ZNF385D: variants seen among roughly 807,000 people sequenced by gnomAD.
The protein encoded by ZNF385D is zinc finger protein 385D, also known as zinc finger protein 659.
In ZNF385D, 15 loss-of-function variants were observed where a neutral mutation model predicts 35.8. The observed-to-expected ratio is 0.42, with a 90% CI of 0.28 to 0.64. ZNF385D has a LOEUF of 0.64. Among genes scored for constraint, ZNF385D ranks in the 30% least tolerant of loss-of-function variants. The pLI is 0.23. For missense variants in ZNF385D, 474 were observed against 494.6 expected (o/e 0.96, Z 0.39); for synonymous variants, 212 against 186.8 (o/e 1.13, Z -1.10).
chr3:22,021,790 G>T (rs1290681921), intron 3 of ZNF385D, among the ~76,000 whole-genome samples: 1 of 152,032 alleles, frequency 6.6e-6, no homozygotes, highest in Non-Finnish European at 1.5e-5. Context: ...TCTATATCTT[G>T]GAATGTTTTG....
intron 3 of ZNF385D, among the ~76,000 whole-genome samples, chr3:22,019,723 A>AG (rs1653017189): frequency 6.6e-6 from 1 of 151,956 alleles, no homozygotes; most frequent in Non-Finnish European, 1.5e-5. Flanking sequence ...ATTTATGCTT[A>AG]GATGTATGCC....
chr3:21,751,298 G>A (rs991660517), upstream of ZNF385D: 2 of 1,098,574 alleles, frequency 1.8e-6, no homozygotes, highest in Middle Eastern at 4.2e-4. Context: ...TGCCTGCCTG[G>A]ACCAACCATG....
In ZNF385D at chr3:22,090,167, T is replaced by A. The variant is rs147835083; in HGVS notation, c.325+78650A>T. ...ATTAATAATTATTTATGGTAAACTT[T>A]TCCAGTTCAAATTGCTACAAAATTT... On this transcript the variant is annotated intron_variant, in intron 3 of 5. Coordinates refer to the ZNF385D transcript ENST00000494108. 6.0e-4 allele frequency among the ~76,000 whole-genome samples: 92 copies of A among 152,248 alleles called. 2 individuals carry two copies. The East Asian group carries it at 0.016, about 27-fold the overall frequency.
chr3:21,659,694 G>T (rs752663195), intron 2 of ZNF385D, among the ~76,000 whole-genome samples: 5 of 152,052 alleles, frequency 3.3e-5, no homozygotes, highest in Non-Finnish European at 5.9e-5. Flanking sequence ...TTCCATAATT[G>T]TAAGAATTTA....
At chr3:22,216,833 C>G (rs761038929) in intron 2 of ZNF385D, among the ~76,000 whole-genome samples, 3 of 152,078 alleles carry the variant, frequency 2.0e-5, no homozygotes, top group Admixed American at 1.3e-4. Context: ...TGGCCACTCC[C>G]AGTCTTGCCC....
chr3:21,822,073 A>G (rs1047906660), intron 3 of ZNF385D, among the ~76,000 whole-genome samples: 4 of 151,496 alleles, frequency 2.6e-5, no homozygotes, highest in Non-Finnish European at 4.4e-5. Context: ...AAGTTAAAAT[A>G]ATTTTTTTTC....
intron 3 of ZNF385D, among the ~76,000 whole-genome samples, chr3:21,816,672 A>G (rs2073161261): frequency 6.6e-6 from 1 of 152,208 alleles, no homozygotes; most frequent in Admixed American, 6.5e-5. Flanking sequence ...CCACTGCTCA[A>G]TGAAATAAAA....
chr3:22,076,180 A>G (rs897215152), intron 3 of ZNF385D, among the ~76,000 whole-genome samples: 1 of 151,854 alleles, frequency 6.6e-6, no homozygotes, highest in Non-Finnish European at 1.5e-5. Context: ...GCAAATCTAC[A>G]TCAGATCTTG....
intron 3 of ZNF385D, among the ~76,000 whole-genome samples, chr3:21,908,814 G>A (rs548679575): frequency 1.1e-3 from 168 of 152,004 alleles, no homozygotes; most frequent in African/African-American, 3.0e-3. Flanking sequence ...CTTTGCCTGG[G>A]AAACATGCAA....
intron 2 of ZNF385D, among the ~76,000 whole-genome samples, chr3:21,645,772 G>A (rs565041871): frequency 7.2e-5 from 11 of 152,174 alleles, no homozygotes; most frequent in African/African-American, 2.2e-4. Flanking sequence ...AAGGTAGTAT[G>A]ACTTCATCCA....
At chr3:21,670,067 G>A (rs2066516923) in intron 1 of ZNF385D, among the ~76,000 whole-genome samples, 3 of 152,032 alleles carry the variant, frequency 2.0e-5, no homozygotes, top group Admixed American at 2.0e-4. Context: ...CAAAACTGAA[G>A]TTCAAAATGA....
At chr3:21,940,328 T>C (rs1395737668) in intron 3 of ZNF385D, among the ~76,000 whole-genome samples, 1 of 152,168 alleles carries the variant, frequency 6.6e-6, no homozygotes, top group Non-Finnish European at 1.5e-5. Flanking sequence ...ACCCATTTAG[T>C]GGCAAGTTGC....
chr3:21,480,151 G>T (rs1704522018), intron 4 of ZNF385D, among the ~76,000 whole-genome samples: 1 of 143,960 alleles, frequency 6.9e-6, no homozygotes, highest in Non-Finnish European at 1.5e-5. Flanking sequence ...CACCCAGGCT[G>T]GAGTGCAATG....
chr3:21,511,839 G>A (rs1467733109), intron 3 of ZNF385D: 1 of 453,686 alleles, frequency 2.2e-6, no homozygotes, highest in Admixed American at 2.4e-5. Flanking sequence ...TTTTTTTGTG[G>A]GGGAGCGGTA....
intron 2 of ZNF385D, among the ~76,000 whole-genome samples, chr3:22,214,315 T>A (rs1319506406): frequency 6.6e-6 from 1 of 152,028 alleles, no homozygotes; most frequent in African/African-American, 2.4e-5. Flanking sequence ...CTGAGGAGGA[T>A]GTATGTCGCC....
At chr3:22,364,300 A>G (rs142663513) in intron 2 of ZNF385D, among the ~76,000 whole-genome samples, 64 of 152,226 alleles carry the variant, frequency 4.2e-4, no homozygotes, top group Admixed American at 1.3e-3. Flanking sequence ...CAAAAAGGCC[A>G]TATCAACAAA....
chr3:21,665,803 A>C (rs1412856939), intron 1 of ZNF385D, among the ~76,000 whole-genome samples: 1 of 152,126 alleles, frequency 6.6e-6, no homozygotes, highest in Admixed American at 6.5e-5. Context: ...ACTCTGCCAC[A>C]CTCAGGAGCT....
chr3:22,110,382 C>T (rs1702451379), intron 3 of ZNF385D, among the ~76,000 whole-genome samples: 1 of 151,934 alleles, frequency 6.6e-6, no homozygotes, highest in South Asian at 2.1e-4. Context: ...AGACTTGGAA[C>T]CAACCCAAAT....
At chr3:22,353,737 A>C (rs1575181153) in intron 2 of ZNF385D, among the ~76,000 whole-genome samples, 1 of 152,072 alleles carries the variant, frequency 6.6e-6, no homozygotes, top group Admixed American at 6.6e-5. Flanking sequence ...TCACTCCTTT[A>C]ACTAGAGCAA....
Sources: gnomAD v4.1 joint callset for allele counts (sites outside exome capture counted in the v4.1 genomes callset) on GRCh38, gnomAD v4.1.1 for gene constraint, MANE v1.5 for transcripts, NCBI Gene and HGNC (gene_info 2026-07-23, HGNC 2026-07-21) for gene names.